CTSC: variants seen among roughly 807,000 people sequenced by gnomAD.
CTSC encodes the protein dipeptidyl peptidase 1.
CTSC carries 37 observed loss-of-function variants against 40.9 expected under a neutral mutation model. That is an observed-to-expected ratio of 0.91 (90% CI 0.70 to 1.19). The LOEUF (loss-of-function observed/expected upper bound fraction) is 1.19, where lower values mean the gene tolerates loss of function less well. Among genes scored for constraint, CTSC ranks in the 50% most tolerant of loss-of-function variants. CTSC has a pLI of 0.00. For synonymous variants in CTSC, 232 were observed against 207.4 expected (o/e 1.12, Z -1.02); for missense variants, 594 against 567.3 (o/e 1.05, Z -0.48).
chr11:88,305,152 A>AG (rs1937620398), intron 4 of CTSC, among the ~76,000 whole-genome samples: 1 of 152,206 alleles, frequency 6.6e-6, no homozygotes, highest in Admixed American at 6.5e-5. Context: ...TGGTCTAAAA[A>AG]GGGGAGGCAT....
intron 2 of CTSC, among the ~76,000 whole-genome samples, chr11:88,333,393 T>C (rs1938413615): frequency 2.0e-5 from 3 of 152,186 alleles, no homozygotes; most frequent in Admixed American, 6.5e-5. Context: ...TAGGTGTCTA[T>C]TGTGTGTCAA....
chr11:88,312,004 T>C (rs1015833948), intron 3 of CTSC, among the ~76,000 whole-genome samples: 1 of 152,220 alleles, frequency 6.6e-6, no homozygotes, highest in Non-Finnish European at 1.5e-5. Flanking sequence ...ATTTCAGTTA[T>C]TTATGGTCTT....
intron 4 of CTSC, among the ~76,000 whole-genome samples, chr11:88,306,318 G>A (rs557866744): frequency 6.6e-6 from 1 of 152,260 alleles, no homozygotes; most frequent in East Asian, 1.9e-4. Context: ...ATACTGGGTA[G>A]AAGAGGGTGG....
chr11:88,294,060 A>G lies in CTSC; in HGVS notation c.1338T>C (p.Asp446=), dbSNP rs776743399. ...NGYFRIRRGT[D]ECAIESIAVA... Reference sequence around the variant, plus strand: ...CTGCTATGCTCTCAATTGCACACTCATCAGTTCCTCTGCGGATCCGGAAGT... The same window carrying G: ...CTGCTATGCTCTCAATTGCACACTCGTCAGTTCCTCTGCGGATCCGGAAGT... Residue 446 remains aspartate (D), a synonymous_variant, in exon 7 of 7, where the codon GAT becomes GAC. Transcript: ENST00000227266. The G allele has an allele frequency of 5.6e-6, 9 of 1,614,040 alleles. No individual in the cohort carries two copies. The Admixed American group carries it at 1.5e-4, about 27-fold the overall frequency.
chr11:88,337,381 C>T, intron 1 of CTSC, 120 bp downstream of exon 1: 1 of 1,061,306 alleles, frequency 9.4e-7, no homozygotes, highest in Non-Finnish European at 1.4e-6. Flanking sequence ...CGAATCCAGT[C>T]AAGATGCTCT....
At chr11:88,295,710 A>G (rs1359801986) in intron 6 of CTSC, among the ~76,000 whole-genome samples, 1 of 152,144 alleles carries the variant, frequency 6.6e-6, no homozygotes, top group African/African-American at 2.4e-5. Context: ...ATTCTCCCAG[A>G]GAGAAACCAG....
chr11:88,327,900 A>G, intron 2 of CTSC: 1 of 573,236 alleles, frequency 1.7e-6, no homozygotes. Context: ...ATGTGAAAAC[A>G]GAACATAATA....
At position 88,296,174 on chromosome 11, in the gene CTSC, A is replaced by G; in HGVS notation, c.848T>C (p.Leu283Pro). 1 of 1,614,084 alleles carries G rather than the reference A, an allele frequency of 6.2e-7. No homozygotes were observed. The change falls in exon 6 of 7, where the codon CTA becomes CCA. Residue 283 changes from leucine (L) to proline (P), a missense_variant. Physicochemically the swap from Leu to Pro is moderately conservative, Grantham distance 98. Transcript: ENST00000227266. ...ILTNNSQTPI[L>P]SPQEVVSCSQ... ...ACAAGACACAACCTCCTGAGGGCTT[A>G]GGATTGGGGTCTGAGAATTGTTGGT...
intron 2 of CTSC, chr11:88,324,585 T>A: frequency 2.0e-6 from 2 of 984,258 alleles, no homozygotes; most frequent in South Asian, 9.4e-5. Context: ...TCCAGGTACC[T>A]ACAAAGTTCT....
intron 2 of CTSC, chr11:88,325,665 C>A (rs1470678869): frequency 1.0e-6 from 1 of 985,026 alleles, no homozygotes; most frequent in Non-Finnish European, 1.2e-6. Flanking sequence ...AGTATGTCAA[C>A]TTCTTAGCAC....
intron 2 of CTSC, chr11:88,326,028 C>T: frequency 9.4e-7 from 1 of 1,061,912 alleles, no homozygotes; most frequent in Non-Finnish European, 1.1e-6. Context: ...CAAATCCTGA[C>T]AATCTTAGAA....
At chr11:88,301,168 T>C (rs576825037) in intron 4 of CTSC, among the ~76,000 whole-genome samples, 76 of 152,116 alleles carry the variant, frequency 5.0e-4, no homozygotes, top group Non-Finnish European at 1.0e-3. Context: ...TCACACTGAC[T>C]TCCTAGAACT....
chr11:88,304,995 G>C (rs998757631), intron 4 of CTSC, among the ~76,000 whole-genome samples: 3 of 152,140 alleles, frequency 2.0e-5, no homozygotes, highest in Admixed American at 1.3e-4. Context: ...CTACTTGGGA[G>C]GCTGAGGCAG....
intron 2 of CTSC, chr11:88,321,883 A>G (rs1938023661): frequency 6.6e-6 from 1 of 152,212 alleles, no homozygotes; most frequent in Non-Finnish European, 1.5e-5. Context: ...TCCCACCAAC[A>G]GTGTAAAAGC....
intron 6 of CTSC, among the ~76,000 whole-genome samples, chr11:88,295,513 G>C (rs865837080): frequency 1.3e-5 from 2 of 151,704 alleles, no homozygotes; most frequent in Non-Finnish European, 2.9e-5. Context: ...CTGAATAGCT[G>C]GGACTACAAG....
At chr11:88,312,972 C>A (rs567200808) in intron 2 of CTSC, among the ~76,000 whole-genome samples, 89 of 152,296 alleles carry the variant, frequency 5.8e-4, no homozygotes, top group African/African-American at 2.1e-3. Context: ...CCTACCAAGG[C>A]AACAGGCGAA....
At position 88,294,074 on chromosome 11, in the gene CTSC, G is replaced by A. The variant is rs146182103; in HGVS notation, c.1324C>T (p.Arg442Cys). The change falls in exon 7 of 7, where the codon CGC becomes TGC. Residue 442 changes from arginine to cysteine, a missense_variant. By Grantham distance (180) the Arg-to-Cys change is radical (BLOSUM62 -3). Coordinates refer to ENST00000227266, the MANE Select transcript of CTSC (RefSeq NM_001814.6). ...GWGENGYFRI[R>C]RGTDECAIES... ...ATTGCACACTCATCAGTTCCTCTGC[G>A]GATCCGGAAGTAGCCATTCTCACCC... 3.6e-4 allele frequency: 573 copies of A among 1,613,840 alleles called. No individual in the cohort carries two copies. The highest frequency in any genetic ancestry group is 4.6e-4 in the Non-Finnish European group (546 of 1,180,008).
At position 88,296,027 on chromosome 11, in the gene CTSC, T is replaced by C. The variant is rs145791833; in HGVS notation, c.889+106A>G. ...GACTTGCACTCAGATTTTCTGACTA[T>C]AGACACTGCGCTCTCTCTACTGCAT... On this transcript the variant is annotated intron_variant, in intron 6 of 6. Coordinates refer to ENST00000227266, the MANE Select transcript of CTSC (RefSeq NM_001814.6). The C allele has an allele frequency of 5.0e-4, 604 of 1,203,182 alleles. 1 individual carries two copies. In the African/African-American group the frequency reaches 6.9e-3, roughly 14 times the overall value. 74.5% of individuals were successfully genotyped at this position (1,203,182 alleles called of 1,614,324 possible).
Position 88,304,709 on chromosome 11 carries a change from A to G in CTSC, c.642-4064T>C, listed in dbSNP as rs542289202. On this transcript the variant is annotated intron_variant, in intron 4 of 6. Transcript: ENST00000227266. ...ATAGAACAGACAGGCTGCAGTAAAGAAGCCAGCTAAAACCCACCAAAACCA... is the reference window on the plus strand; with the variant it reads ...ATAGAACAGACAGGCTGCAGTAAAGGAGCCAGCTAAAACCCACCAAAACCA... Among the ~76,000 whole-genome samples, 5 of 152,344 alleles carry G rather than the reference A, an allele frequency of 3.3e-5. No homozygotes were observed. In the South Asian group the frequency reaches 1.0e-3, roughly 32 times the overall value.
Sources: gnomAD v4.1 joint callset for allele counts (sites outside exome capture counted in the v4.1 genomes callset) on GRCh38, gnomAD v4.1.1 for gene constraint, MANE v1.5 for transcripts, NCBI Gene and HGNC (gene_info 2026-07-23, HGNC 2026-07-21) for gene names.